The following SRL variants were observed in gnomAD, a reference collection of about 807,000 sequenced individuals.
SRL encodes the protein sarcalumenin.
SRL carries 23 observed loss-of-function variants against 39.5 expected under a neutral mutation model. The ratio of observed to expected loss-of-function variants is 0.58; its 90% CI spans 0.42 to 0.82. The LOEUF is 0.82. Ranked by LOEUF, SRL falls within the 40% of genes least tolerant of loss-of-function variation. The pLI, the probability that SRL is intolerant of heterozygous loss-of-function variation, is 0.00. For missense variants in SRL, 592 were observed against 607.8 expected (o/e 0.97, Z 0.27); for synonymous variants, 272 against 237.4 (o/e 1.15, Z -1.34).
Position 4,204,560 on chromosome 16 carries a change from C to T in SRL, c.136G>A (p.Glu46Lys). 6.2e-7 allele frequency: 1 copy of T among 1,614,222 alleles called. No homozygotes were observed. Among genetic ancestry groups the T allele is most frequent in the Non-Finnish European group, 8.5e-7 (1 of 1,180,036 alleles). ...SHIEKTLMLN[E>K]DKPSDDYSAV... is the part of the protein sequence containing the mutation. Reference sequence around the variant, plus strand: ...GAGTAGTCATCGGATGGCTTGTCCTCATTCAGCATGAGGGTCTTCTCGATG... The same window carrying T: ...GAGTAGTCATCGGATGGCTTGTCCTTATTCAGCATGAGGGTCTTCTCGATG... The change falls in exon 2 of 6, where the codon GAG becomes AAG. Residue 46 changes from glutamate (E) to lysine (K), a missense_variant. Glu to Lys is a moderately conservative substitution (Grantham distance 56, BLOSUM62 1). Coordinates refer to ENST00000399609, the MANE Select transcript of SRL (RefSeq NM_001098814.2).
In SRL at chr16:4,203,279, C is replaced by G. The variant is rs371085536; in HGVS notation, c.164-18G>C. The G allele has an allele frequency of 1.2e-6, 2 of 1,609,790 alleles. No individual in the cohort carries two copies. The highest frequency in any genetic ancestry group is 1.7e-6 in the Non-Finnish European group (2 of 1,176,330). On this transcript the variant is annotated intron_variant, in intron 2 of 5. Transcript: ENST00000399609. ...CAGCACCGCTGGAGACAGAGAGGGCCGGGGGAAGAGCATCACGCAGGTGCG... is the reference window on the plus strand; with the variant it reads ...CAGCACCGCTGGAGACAGAGAGGGCGGGGGGAAGAGCATCACGCAGGTGCG...
chr16:4,202,492 C>A (rs977838872), intron 3 of SRL, among the ~76,000 whole-genome samples: 6 of 151,572 alleles, frequency 4.0e-5, no homozygotes, highest in Non-Finnish European at 8.8e-5. Flanking sequence ...ATTCGGGAGG[C>A]TGAGGCAGAA....
intron 5 of SRL, among the ~76,000 whole-genome samples, chr16:4,194,057 G>A (rs1232985509): frequency 6.6e-6 from 1 of 152,018 alleles, no homozygotes; most frequent in Non-Finnish European, 1.5e-5. Flanking sequence ...ACCATAAACT[G>A]AGATCCACCG....
intron 1 of SRL, among the ~76,000 whole-genome samples, chr16:4,227,404 G>A (rs1567188415): frequency 6.6e-6 from 1 of 152,018 alleles, no homozygotes; most frequent in Non-Finnish European, 1.5e-5. Flanking sequence ...TGGAGAGATT[G>A]ATGGATGGGT....
chr16:4,200,279 G>A lies in SRL; in HGVS notation c.260-2364C>T, dbSNP rs2052210602. On this transcript the variant is annotated intron_variant, in intron 3 of 5. Transcript: ENST00000399609. ...AGGGTGGCAGGAATCCCCAGTTACA[G>A]CCACAGAGATGTCACAGTATCTTAA... is the stretch of plus-strand genomic sequence containing the variant. 3.3e-5 allele frequency among the ~76,000 whole-genome samples: 5 copies of A among 152,338 alleles called. No individual in the cohort carries two copies. In the South Asian group the frequency reaches 1.0e-3, roughly 32 times the overall value.
At chr16:4,203,324 T>A in intron 2 of SRL, 63 bp from the exon 3 acceptor site, 2 of 1,401,346 alleles carry the variant, frequency 1.4e-6, no homozygotes, top group Non-Finnish European at 1.0e-6. Context: ...GCTCCTCCAT[T>A]GTGGAGGGGC....
At chr16:4,239,550 G>C (rs2052748674) in intron 1 of SRL, 1 of 152,332 alleles carries the variant, frequency 6.6e-6, no homozygotes, top group African/African-American at 2.4e-5. Context: ...GAAACCAAAA[G>C]CATAGCTCTT....
chr16:4,208,892 G>C (rs951803112), intron 1 of SRL, among the ~76,000 whole-genome samples: 4 of 152,152 alleles, frequency 2.6e-5, no homozygotes, highest in African/African-American at 9.7e-5. Context: ...AACCCAGAGA[G>C]CAGAGGGCCC....
chr16:4,219,105 C>CTAGCCCAACTCTT (rs141255816), intron 1 of SRL, among the ~76,000 whole-genome samples: 4 of 152,216 alleles, frequency 2.6e-5, no homozygotes, highest in South Asian at 2.1e-4. Flanking sequence ...TAGAAAGTAA[C>CTAGCCCAACTCTT]TAGCCCAACT....
intron 5 of SRL, among the ~76,000 whole-genome samples, chr16:4,194,744 T>A (rs2052113160): frequency 6.6e-6 from 1 of 151,800 alleles, no homozygotes. Flanking sequence ...CTTGGGGAGG[T>A]AGGAGCACCA....
intron 1 of SRL, among the ~76,000 whole-genome samples, chr16:4,237,573 C>T (rs971291436): frequency 6.6e-6 from 1 of 152,132 alleles, no homozygotes; most frequent in Non-Finnish European, 1.5e-5. Flanking sequence ...AGAGCAAAGC[C>T]CTGCTTAGCC....
intron 1 of SRL, among the ~76,000 whole-genome samples, chr16:4,213,603 G>T (rs781084607): frequency 6.6e-6 from 1 of 150,882 alleles, no homozygotes; most frequent in African/African-American, 2.4e-5. Flanking sequence ...TAGAGATGAG[G>T]TCTCGCTATG....
At chr16:4,223,261 A>G (rs2052550980) in intron 1 of SRL, among the ~76,000 whole-genome samples, 1 of 151,362 alleles carries the variant, frequency 6.6e-6, no homozygotes, top group African/African-American at 2.4e-5. Context: ...CAAAAAAGCA[A>G]TTCCTAACGT....
intron 1 of SRL, among the ~76,000 whole-genome samples, chr16:4,237,365 C>G (rs1339853339): frequency 6.6e-6 from 1 of 152,146 alleles, no homozygotes; most frequent in Non-Finnish European, 1.5e-5. Flanking sequence ...GGCTCCCAAG[C>G]TGGGAAGGCC....
At chr16:4,204,223 G>A (rs2052279842) in intron 2 of SRL, among the ~76,000 whole-genome samples, 1 of 152,190 alleles carries the variant, frequency 6.6e-6, no homozygotes. Context: ...CGAGGGAGAT[G>A]GCATCAGCAC....
chr16:4,223,238 A>G (rs2052550364), intron 1 of SRL, among the ~76,000 whole-genome samples: 2 of 151,682 alleles, frequency 1.3e-5, no homozygotes, highest in Admixed American at 6.6e-5. Flanking sequence ...TCTCAAAAAA[A>G]AAAAAAAAAA....
chr16:4,198,053 C>T, intron 3 of SRL, 138 bp from the exon 4 acceptor site: 1 of 653,566 alleles, frequency 1.5e-6, no homozygotes, highest in Admixed American at 2.5e-5. Context: ...GTGTAGCCCC[C>T]AGTGGCGCTT....
chr16:4,209,241 C>T (rs372062803), intron 1 of SRL, among the ~76,000 whole-genome samples: 2 of 151,892 alleles, frequency 1.3e-5, no homozygotes, highest in Admixed American at 1.3e-4. Context: ...CCACTGCACT[C>T]CAGGCTGGGC....
rs747619613 is a variant in SRL, at chr16:4,197,833, A to C, written c.342T>G (p.Leu114=). Residue 114 remains leucine (L), a synonymous_variant, in exon 4 of 6, where the codon CTT becomes CTG. Coordinates refer to ENST00000399609, the MANE Select transcript of SRL (RefSeq NM_001098814.2). The stretch of plus-strand genomic sequence containing the variant: ...GCTGATAGCGAGTATTTTCCAGCCC[A>C]AGGAGGTAGTTTATCATGGTAGATT... ...VGKSTMINYL[L]GLENTRYQLY... 6.2e-7 allele frequency: 1 copy of C among 1,613,820 alleles called. No individual in the cohort carries two copies. The highest frequency in any genetic ancestry group is 8.5e-7 in the Non-Finnish European group (1 of 1,179,668).
Sources: gnomAD v4.1 joint callset for allele counts (sites outside exome capture counted in the v4.1 genomes callset) on GRCh38, gnomAD v4.1.1 for gene constraint, MANE v1.5 for transcripts, NCBI Gene and HGNC (gene_info 2026-07-23, HGNC 2026-07-21) for gene names.